PDE1C: variants seen among roughly 807,000 people sequenced by gnomAD.
PDE1C encodes dual specificity calcium/calmodulin-dependent 3',5'-cyclic nucleotide phosphodiesterase 1C.
PDE1C carries 62 observed loss-of-function variants against 93.1 expected under a neutral mutation model. The ratio of observed to expected loss-of-function variants is 0.67; its 90% CI spans 0.54 to 0.82. The LOEUF (loss-of-function observed/expected upper bound fraction) is 0.82, where lower values mean the gene tolerates loss of function less well. Among genes scored for constraint, PDE1C ranks in the 40% least tolerant of loss-of-function variants. The pLI, the probability that PDE1C is intolerant of heterozygous loss-of-function variation, is 0.00. For synonymous variants in PDE1C, 325 were observed against 310.1 expected, an observed-to-expected ratio of 1.05 and a Z score of -0.50; for missense variants, 742 against 884.6, an observed-to-expected ratio of 0.84 and a Z score of 2.04.
intron 3 of PDE1C, among the ~76,000 whole-genome samples, chr7:32,091,611 T>C (rs11762569): frequency 0.63 from 95,352 of 151,634 alleles, 30,269 homozygotes; most frequent in African/African-American, 0.71. Context: ...TGGCTGGTGG[T>C]TCAAGAAGCA....
intron 1 of PDE1C, among the ~76,000 whole-genome samples, chr7:32,308,741 C>A (rs1306516039): frequency 2.6e-5 from 4 of 152,182 alleles, no homozygotes; most frequent in African/African-American, 9.7e-5. Flanking sequence ...CATCAAAAAC[C>A]CTTCTGTACG....
At chr7:31,767,071 A>C (rs772771834) in intron 17 of PDE1C, among the ~76,000 whole-genome samples, 1 of 152,200 alleles carries the variant, frequency 6.6e-6, no homozygotes, top group Non-Finnish European at 1.5e-5. Flanking sequence ...TTTTAAAAGC[A>C]AGTTGAAGCC....
upstream of PDE1C, among the ~76,000 whole-genome samples, chr7:32,300,950 A>G (rs992446186): frequency 7.9e-5 from 12 of 151,558 alleles, no homozygotes. Flanking sequence ...TGATCTTCCC[A>G]CTTCAGCCTC....
In PDE1C at chr7:31,837,261, T is replaced by C; in HGVS notation, c.1122A>G (p.Thr374=). Residue 374 remains threonine (T), a synonymous_variant, in exon 11 of 18, where the codon ACA becomes ACG. Coordinates refer to ENST00000396191, the MANE Select transcript of PDE1C (RefSeq NM_001191057.4). ...CTTTTGCTGGATGGCTAATATCTGC[T>C]GTATGCAGCATAAGGGATAAGGCTT... ...KPKALSLMLH[T]ADISHPAKAW... The C allele has an allele frequency of 6.2e-7, 1 of 1,613,860 alleles. No individual in the cohort carries two copies. The highest frequency in any genetic ancestry group is 8.5e-7 in the Non-Finnish European group (1 of 1,179,810).
rs960975303 is a variant in PDE1C at position 32,415,221 on chromosome 7, T to C, written c.310+12601A>G. ...ATTCCAACACTTGGAGAGGCCGAAG[T>C]GGGCAGATTACTTGAGGTCAGTAGT... is the stretch of plus-strand genomic sequence containing the variant. On this transcript the variant is annotated intron_variant, in intron 1 of 1. Coordinates refer to the PDE1C transcript ENST00000672256. 2.0e-5 allele frequency among the ~76,000 whole-genome samples: 3 copies of C among 152,096 alleles called. No individual in the cohort carries two copies. In the East Asian group the frequency reaches 5.8e-4, roughly 29 times the overall value.
rs192071366 is a variant in PDE1C at position 32,190,006 on chromosome 7, C to G, written c.136+19483G>C. ...TGGTTGAACATCTCATCAGCCTTGT[C>G]TTTCTTCCACCTGCTTCAATTACAT... On this transcript the variant is annotated intron_variant, in intron 2 of 18. Transcript: ENST00000396193. 5.8e-4 allele frequency among the ~76,000 whole-genome samples: 89 copies of G among 152,228 alleles called. 1 individual carries two copies. The highest frequency in any genetic ancestry group is 2.0e-3 in the African/African-American group (81 of 41,460).
intron 2 of PDE1C, among the ~76,000 whole-genome samples, chr7:31,895,539 T>A (rs1225887198): frequency 2.0e-5 from 3 of 151,992 alleles, no homozygotes; most frequent in African/African-American, 7.3e-5. Flanking sequence ...ATTGCTAGAT[T>A]GGGTGGTTTC....
At chr7:32,057,543 G>A (rs963418029) in intron 1 of PDE1C, among the ~76,000 whole-genome samples, 2 of 152,182 alleles carry the variant, frequency 1.3e-5, no homozygotes, top group African/African-American at 2.4e-5. Flanking sequence ...CTGACCTCCA[G>A]TATTTAAATA....
At chr7:32,070,889 C>A (rs988849580), upstream of PDE1C, 17 of 985,514 alleles carry the variant, frequency 1.7e-5, no homozygotes, top group Non-Finnish European at 2.0e-5. Context: ...CTGACCCGGA[C>A]GCCGCGCACC....
chr7:32,360,501 G>A (rs1053206433), intron 1 of PDE1C, among the ~76,000 whole-genome samples: 10 of 152,270 alleles, frequency 6.6e-5, no homozygotes, highest in East Asian at 1.9e-4. Context: ...AGTGTGCAGC[G>A]CTGCTCTGGT....
At chr7:32,280,471 G>A (rs1811556113) in intron 1 of PDE1C, among the ~76,000 whole-genome samples, 1 of 151,894 alleles carries the variant, frequency 6.6e-6, no homozygotes, top group African/African-American at 2.4e-5. Context: ...TTACTAATCT[G>A]GATAATGACT....
intron 6 of PDE1C, among the ~76,000 whole-genome samples, chr7:31,865,687 T>C (rs1795207803): frequency 6.6e-6 from 1 of 152,230 alleles, no homozygotes; most frequent in South Asian, 2.1e-4. Context: ...CCTGTTTCTG[T>C]TCCCATATAT....
At chr7:31,711,154 G>GATGTCAAAT in the PDE1C span, among the ~76,000 whole-genome samples, 19 of 152,272 alleles carry the variant, frequency 1.2e-4, no homozygotes, top group East Asian at 3.5e-3. Context: ...TCTTCCATCT[G>GATGTCAAAT]ATGTCAAATA....
chr7:31,618,790 G>T, the PDE1C span, among the ~76,000 whole-genome samples: 1 of 152,192 alleles, frequency 6.6e-6, no homozygotes, highest in Admixed American at 6.5e-5. Context: ...TGAAACCCAG[G>T]TTCCTCTGAC....
intron 2 of PDE1C, among the ~76,000 whole-genome samples, chr7:32,043,129 C>CT (rs1249007414): frequency 6.6e-6 from 1 of 152,134 alleles, no homozygotes; most frequent in African/African-American, 2.4e-5. Context: ...GCCAGGGATA[C>CT]TGCCAAACAT....
the PDE1C span, among the ~76,000 whole-genome samples, chr7:31,710,196 G>T: frequency 6.6e-6 from 1 of 152,094 alleles, no homozygotes; most frequent in East Asian, 1.9e-4. Context: ...TTACAGGGTA[G>T]CCCATTCAGA....
Position 32,169,749 on chromosome 7 carries a change from A to C in PDE1C, c.308+36T>G, listed in dbSNP as rs1802528246. 4 of 1,591,036 alleles carry C rather than the reference A, an allele frequency of 2.5e-6. No homozygotes were observed. In the South Asian group the frequency reaches 4.4e-5, roughly 18 times the overall value. On this transcript the variant is annotated intron_variant, in intron 3 of 18. Transcript: ENST00000396193. The stretch of plus-strand genomic sequence containing the variant: ...TGGATTGAAACAACTCCACAAGCAA[A>C]TAAGAAGGAACACATTGAGTTGCAA...
chr7:31,942,984 T>C (rs57047740), intron 2 of PDE1C, among the ~76,000 whole-genome samples: 20,873 of 152,078 alleles, frequency 0.14, 2,977 homozygotes, highest in African/African-American at 0.37. Flanking sequence ...TAGATGGCTA[T>C]GACTAGTGGA....
At chr7:31,660,267 C>G in the PDE1C span, among the ~76,000 whole-genome samples, 1 of 152,096 alleles carries the variant, frequency 6.6e-6, no homozygotes, top group South Asian at 2.1e-4. Flanking sequence ...TCTATAAATG[C>G]TTATTAAAAT....
Sources: allele counts gnomAD v4.1 joint callset (sites outside exome capture counted in the v4.1 genomes callset), GRCh38; gene constraint gnomAD v4.1.1; transcripts MANE v1.5; gene names NCBI Gene and HGNC (gene_info 2026-07-23, HGNC 2026-07-21).